Variants in KLHL1 observed in about 807,000 individuals in gnomAD.
KLHL1 encodes the protein kelch-like protein 1.
Under a neutral mutation model 77.7 loss-of-function variants are expected in KLHL1, and 47 were observed. The ratio of observed to expected loss-of-function variants is 0.60; its 90% CI spans 0.48 to 0.77. The LOEUF (loss-of-function observed/expected upper bound fraction) is 0.77. Ranked by LOEUF, KLHL1 falls within the 30% of genes least tolerant of loss-of-function variation. The pLI is 0.00. For synonymous variants in KLHL1, 360 were observed against 325.2 expected (o/e 1.11, Z -1.15); for missense variants, 925 against 910.8 (o/e 1.02, Z -0.20).
chr13:70,064,126 A>C (rs1207361903), intron 1 of KLHL1, among the ~76,000 whole-genome samples: 1 of 152,166 alleles, frequency 6.6e-6, no homozygotes, highest in Non-Finnish European at 1.5e-5. Context: ...GTCTATGAGG[A>C]CTAATTAATC....
intron 5 of KLHL1, among the ~76,000 whole-genome samples, chr13:69,874,007 A>T (rs928230510): frequency 6.6e-6 from 1 of 152,330 alleles, no homozygotes; most frequent in East Asian, 1.9e-4. Context: ...AGACTTAGTC[A>T]TGATGGGTGA....
chr13:70,022,927 C>T (rs571672325), intron 1 of KLHL1, among the ~76,000 whole-genome samples: 1 of 151,996 alleles, frequency 6.6e-6, no homozygotes, highest in African/African-American at 2.4e-5. Flanking sequence ...TAAAACTATA[C>T]ATTGCAAAGC....
intron 1 of KLHL1, among the ~76,000 whole-genome samples, chr13:69,994,245 A>T: frequency 6.6e-6 from 1 of 152,256 alleles, no homozygotes; most frequent in East Asian, 1.9e-4. Flanking sequence ...AAATTATGCT[A>T]TTAATGAGGC....
At chr13:69,761,907 T>A (rs1875041140) in intron 7 of KLHL1, among the ~76,000 whole-genome samples, 1 of 152,304 alleles carries the variant, frequency 6.6e-6, no homozygotes, top group African/African-American at 2.4e-5. Flanking sequence ...CTGTTCTAAA[T>A]TGCTAAGATG....
chr13:69,977,592 G>A (rs933269586), intron 1 of KLHL1, among the ~76,000 whole-genome samples: 2 of 152,012 alleles, frequency 1.3e-5, no homozygotes, highest in East Asian at 3.9e-4. Context: ...AGGAAATAAT[G>A]GCCAAGAATT....
intron 4 of KLHL1, among the ~76,000 whole-genome samples, chr13:69,902,108 G>GT (rs1555279150): frequency 1.5e-4 from 23 of 152,148 alleles, no homozygotes; most frequent in South Asian, 2.1e-4. Flanking sequence ...CCCACAATGA[G>GT]TTTTTTTATA....
intron 6 of KLHL1, among the ~76,000 whole-genome samples, chr13:69,823,752 C>A (rs1878434475): frequency 1.3e-5 from 2 of 152,012 alleles, no homozygotes; most frequent in Admixed American, 6.6e-5. Flanking sequence ...ATTTCCACTT[C>A]TCTTACCTCT....
Position 69,845,493 on chromosome 13 carries a change from T to C in KLHL1, c.1228-6331A>G, listed in dbSNP as rs1879423758. ...CAAAAAATTTAGCAGAAATAAAAGTTAGCTAGTTTTTGGTATTGTTTACTC... is the reference window on the plus strand; with the variant it reads ...CAAAAAATTTAGCAGAAATAAAAGTCAGCTAGTTTTTGGTATTGTTTACTC... On this transcript the variant is annotated intron_variant, in intron 5 of 10. Transcript: ENST00000377844. Among the ~76,000 whole-genome samples, 3 of 151,666 alleles carry C rather than the reference T, an allele frequency of 2.0e-5. No homozygotes were observed. The South Asian group carries it at 6.2e-4, about 31-fold the overall frequency.
At chr13:69,867,163 T>G (rs1018528531) in intron 5 of KLHL1, among the ~76,000 whole-genome samples, 1 of 152,236 alleles carries the variant, frequency 6.6e-6, no homozygotes, top group East Asian at 1.9e-4. Flanking sequence ...CAATTAAAGG[T>G]GTCCTTAACA....
At chr13:70,077,685 G>A (rs1887297434) in intron 1 of KLHL1, among the ~76,000 whole-genome samples, 1 of 151,870 alleles carries the variant, frequency 6.6e-6, no homozygotes, top group Non-Finnish European at 1.5e-5. Flanking sequence ...GAGGATAATG[G>A]GAAGGAGTAT....
chr13:69,848,435 C>T (rs1427730395), intron 5 of KLHL1, among the ~76,000 whole-genome samples: 1 of 151,362 alleles, frequency 6.6e-6, no homozygotes, highest in South Asian at 2.1e-4. Context: ...ATTTAAAGTC[C>T]CTTTTAGCTT....
At chr13:70,032,381 A>G (rs974535239) in intron 1 of KLHL1, among the ~76,000 whole-genome samples, 4 of 152,206 alleles carry the variant, frequency 2.6e-5, no homozygotes, top group African/African-American at 9.6e-5. Flanking sequence ...AGATTTTGAC[A>G]ATATTCTATT....
At chr13:69,820,764 G>A (rs115105517) in intron 6 of KLHL1, among the ~76,000 whole-genome samples, 2,885 of 152,280 alleles carry the variant, frequency 0.019, 63 homozygotes, top group Middle Eastern at 0.048. Flanking sequence ...TAGAACAGGA[G>A]GTTGCCCGTG....
At chr13:69,844,365 A>G (rs1305537391) in intron 5 of KLHL1, among the ~76,000 whole-genome samples, 1 of 151,704 alleles carries the variant, frequency 6.6e-6, no homozygotes, top group Non-Finnish European at 1.5e-5. Context: ...AATATTGTGT[A>G]AAATGTAACT....
At chr13:69,927,911 T>C (rs1271854914) in intron 4 of KLHL1, among the ~76,000 whole-genome samples, 1 of 152,186 alleles carries the variant, frequency 6.6e-6, no homozygotes, top group Non-Finnish European at 1.5e-5. Context: ...GAAAATATTA[T>C]GTTCACACAA....
At chr13:69,728,363 T>C (rs1362502541) in intron 8 of KLHL1, among the ~76,000 whole-genome samples, 1 of 152,016 alleles carries the variant, frequency 6.6e-6, no homozygotes, top group Non-Finnish European at 1.5e-5. Context: ...TTAAGCCATA[T>C]GTGCTTCAGA....
chr13:69,801,343 C>T (rs1311008470), intron 6 of KLHL1, among the ~76,000 whole-genome samples: 2 of 152,092 alleles, frequency 1.3e-5, no homozygotes, highest in African/African-American at 4.8e-5. Flanking sequence ...AAACAATAAA[C>T]ATATAATAAT....
intron 1 of KLHL1, among the ~76,000 whole-genome samples, chr13:70,036,835 C>CTTTTTTTTTTTTTTTTTT (rs5804467): frequency 2.0e-5 from 1 of 50,680 alleles, no homozygotes; most frequent in Non-Finnish European, 3.6e-5. Flanking sequence ...ATGCCATGGT[C>CTTTTTTTTTTTTTTTTTT]TTTTTTTTTT....
intron 1 of KLHL1, among the ~76,000 whole-genome samples, chr13:70,073,809 T>A (rs1482185695): frequency 6.6e-6 from 1 of 150,786 alleles, no homozygotes; most frequent in Non-Finnish European, 1.5e-5. Context: ...AAAATTGAAA[T>A]GCAGGAGAGC....
Sources: gnomAD v4.1 joint callset for allele counts (sites outside exome capture counted in the v4.1 genomes callset) on GRCh38, gnomAD v4.1.1 for gene constraint, MANE v1.5 for transcripts, NCBI Gene and HGNC (gene_info 2026-07-23, HGNC 2026-07-21) for gene names.